Variants in MROH2B observed in about 807,000 individuals in gnomAD.
MROH2B encodes the protein maestro heat-like repeat-containing protein family member 2B.
In MROH2B, 177 loss-of-function variants were observed where a neutral mutation model predicts 208.6. The ratio of observed to expected loss-of-function variants is 0.85; its 90% CI spans 0.75 to 0.96. The LOEUF (loss-of-function observed/expected upper bound fraction) is 0.96, where lower values mean the gene tolerates loss of function less well. Among genes scored for constraint, MROH2B ranks in the 40% least tolerant of loss-of-function variants. The pLI is 0.00. For synonymous variants in MROH2B, 728 were observed against 659.0 expected, an observed-to-expected ratio of 1.10 and a Z score of -1.60; for missense variants, 2,002 against 1,878.7, an observed-to-expected ratio of 1.07 and a Z score of -1.21.
At chr5:41,010,269 T>G (rs1381498341) in intron 30 of MROH2B, among the ~76,000 whole-genome samples, 190 bp from the exon 31 acceptor site, 1 of 152,230 alleles carries the variant, frequency 6.6e-6, no homozygotes, top group African/African-American at 2.4e-5. Flanking sequence ...TGTTCCTAAT[T>G]AAATTTAGGA....
At chr5:41,062,137 A>G (rs1393450363) in intron 5 of MROH2B, among the ~76,000 whole-genome samples, 1 of 151,934 alleles carries the variant, frequency 6.6e-6, no homozygotes, top group East Asian at 1.9e-4. Context: ...TATGAGCACT[A>G]AAAGTTTGTA....
Position 40,998,300 on chromosome 5 carries a change from A to G in MROH2B, c.4652-142T>C, listed in dbSNP as rs191607707. 6 of 657,690 alleles carry G rather than the reference A, an allele frequency of 9.1e-6. No individual in the cohort carries two copies. The African/African-American group carries it at 1.1e-4, about 12-fold the overall frequency. The allele number at this position is 657,690 out of a possible 1,614,324, so 40.7% of individuals were successfully genotyped here. ...GGTCCTCATGCTCACATTTTATCCT[A>G]AAAGGTAGGATGTGGAACTACAAGA... On this transcript the variant is annotated intron_variant, in intron 41 of 41. Coordinates refer to ENST00000399564, the MANE Select transcript of MROH2B (RefSeq NM_173489.5).
intron 24 of MROH2B, among the ~76,000 whole-genome samples, chr5:41,024,670 CTG>C (rs1742285938): frequency 6.6e-6 from 1 of 152,206 alleles, no homozygotes; most frequent in Admixed American, 6.5e-5. Context: ...GAACTCAGCT[CTG>C]CACCAAGCAG....
At chr5:41,032,709 C>T (rs946624895) in intron 24 of MROH2B, 33 bp downstream of exon 24, 7 of 1,575,588 alleles carry the variant, frequency 4.4e-6, no homozygotes, top group Non-Finnish European at 6.1e-6. Flanking sequence ...GGGGAAAATA[C>T]TTTTTCAATG....
Position 41,035,938 on chromosome 5 carries a change from C to T in MROH2B, c.2215-2074G>A, listed in dbSNP as rs190541753. Among the ~76,000 whole-genome samples the T allele has an allele frequency of 3.3e-5, 5 of 152,006 alleles. No homozygotes were observed. In the East Asian group the frequency reaches 9.7e-4, roughly 29 times the overall value. ...CTGTGGAAAGCAGATGGAGATTTCT[C>T]AAAGAACTTAAAACAGAGCTACCAT... On this transcript the variant is annotated intron_variant, in intron 21 of 41. Transcript: ENST00000399564.
rs1319015306 is a variant in MROH2B at position 41,052,313 on chromosome 5, C to T, written c.1230+152G>A. On this transcript the variant is annotated intron_variant, in intron 12 of 41. Coordinates refer to ENST00000399564, the MANE Select transcript of MROH2B (RefSeq NM_173489.5). ...CAAAATCAGTTATTTAATTGAATTC[C>T]AGTTATTTTTAATTTTTTTAAAATT... Among the ~76,000 whole-genome samples the T allele has an allele frequency of 7.9e-5, 12 of 150,988 alleles. No homozygotes were observed. In the East Asian group the frequency reaches 2.3e-3, roughly 29 times the overall value.
At position 41,012,701 on chromosome 5, in the gene MROH2B, A is replaced by G. The variant is rs750779838; in HGVS notation, c.3017T>C (p.Leu1006Pro). 1.5e-5 allele frequency: 24 copies of G among 1,613,760 alleles called. 1 individual carries two copies. The Admixed American group carries it at 3.8e-4, about 26-fold the overall frequency. Residue 1006 changes from leucine (L) to proline (P), a missense_variant, in exon 30 of 42, where the codon CTG becomes CCG. Coordinates refer to ENST00000399564, the MANE Select transcript of MROH2B (RefSeq NM_173489.5). ...VSKFIPNEEI[L>P]MFLEEMLDGL... is the part of the protein sequence containing the mutation. ...GTCCAGCATTTCCTCTAGGAACATC[A>G]GAATTTCTTCATTTGGGATGAACTT...
intron 16 of MROH2B, 45 bp downstream of exon 16, chr5:41,048,264 GTGCATTATTTCTTTA>G: frequency 6.6e-7 from 1 of 1,517,812 alleles, no homozygotes; most frequent in African/African-American, 1.4e-5. Context: ...CAGAGAAACG[GTGCATTATTTCTTTA>G]TGTTCTTGCC....
rs913925360 is a variant in MROH2B at position 41,047,718 on chromosome 5, T to C, written c.1728+3A>G. The C allele has an allele frequency of 4.4e-6, 7 of 1,593,852 alleles. No individual in the cohort carries two copies. The highest frequency in any genetic ancestry group is 6.0e-6 in the Non-Finnish European group (7 of 1,169,282). ...TAAAAATTATTCTAGAAGCCAGCCT[T>C]ACCTGAAGCAGCATGGTTTCCCATA... On this transcript the variant is annotated splice_donor_region_variant and intron_variant, in intron 17 of 41. Coordinates refer to ENST00000399564, the MANE Select transcript of MROH2B (RefSeq NM_173489.5).
chr5:41,025,000 AC>A (rs1742299071), intron 24 of MROH2B, among the ~76,000 whole-genome samples: 1 of 152,236 alleles, frequency 6.6e-6, no homozygotes. Context: ...GAACAAAGAC[AC>A]AACATACCAG....
rs1743208078 is a variant in MROH2B, at chr5:41,049,132, G to T, written c.1511C>A (p.Pro504His). 6.2e-7 allele frequency: 1 copy of T among 1,600,988 alleles called. No homozygotes were observed. Residue 504 changes from proline (P) to histidine (H), a missense_variant, in exon 15 of 42, where the codon CCT (proline) becomes CAT (histidine). Transcript: ENST00000399564. ...TCTGGCCAGTAGCTGCTGTGGTGAA[G>T]GAAGTTTCACTAGAAAGAGAAAGCA... ...LVVSTGAVKLPSPQQLLARLL... is the reference protein window; with the variant it reads ...LVVSTGAVKLHSPQQLLARLL...
intron 30 of MROH2B, 106 bp downstream of exon 30, chr5:41,012,473 TGCAA>T: frequency 8.3e-7 from 1 of 1,202,192 alleles, no homozygotes; most frequent in Non-Finnish European, 1.1e-6. Flanking sequence ...CTTGAGGTTG[TGCAA>T]GCCTTTGCAT....
At chr5:41,068,628 A>T (rs1361085660) in intron 2 of MROH2B, among the ~76,000 whole-genome samples, 1 of 152,168 alleles carries the variant, frequency 6.6e-6, no homozygotes, top group Non-Finnish European at 1.5e-5. Flanking sequence ...CTCATCATAA[A>T]ATAACTAGGA....
Position 41,039,436 on chromosome 5 carries a change from G to T in MROH2B, c.2061+12C>A, listed in dbSNP as rs765824950. 195 of 1,496,016 alleles carry T rather than the reference G, an allele frequency of 1.3e-4. No homozygotes were observed. Among genetic ancestry groups the T allele is most frequent in the Non-Finnish European group, 1.7e-4 (189 of 1,089,956 alleles). The allele number at this position is 1,496,016 out of a possible 1,614,324, so 92.7% of individuals were successfully genotyped here. On this transcript the variant is annotated intron_variant, in intron 20 of 41. Transcript: ENST00000399564. ...GCAATACTGAGAATTTGAAGGAGAT[G>T]ATTCTTCTTACCTTACATCGATTCA...
chr5:41,048,290 C>G (rs371611606), intron 16 of MROH2B, 34 bp downstream of exon 16: 84 of 1,569,452 alleles, frequency 5.4e-5, no homozygotes, highest in Non-Finnish European at 6.6e-5. Flanking sequence ...TGTTCTTGCC[C>G]CCTGGGTAAA....
At chr5:41,005,451 G>T in intron 35 of MROH2B, 80 bp downstream of exon 35, 1 of 685,230 alleles carries the variant, frequency 1.5e-6, no homozygotes, top group Non-Finnish European at 2.3e-6. Context: ...CCTGGTTCCA[G>T]TGCACACTGG....
chr5:41,054,787 T>A lies in MROH2B; in HGVS notation c.1087A>T (p.Met363Leu). The change falls in exon 11 of 42, where the codon ATG becomes TTG. Residue 363 changes from methionine (M) to leucine (L), a missense_variant. Physicochemically the swap from Met to Leu is conservative, Grantham distance 15. Coordinates refer to ENST00000399564, the MANE Select transcript of MROH2B (RefSeq NM_173489.5). Reference protein sequence around the residue: ...ISIERTVKIVMGDLSTKVRNS... With the variant: ...ISIERTVKIVLGDLSTKVRNS... The stretch of plus-strand genomic sequence containing the variant: ...CTTACTTTTGTACTGAGATCACCCA[T>A]GACGATTTTGACTGTTCTTTCTATT... 6.2e-7 allele frequency: 1 copy of A among 1,611,652 alleles called. No individual in the cohort carries two copies. The highest frequency in any genetic ancestry group is 1.1e-5 in the South Asian group (1 of 90,556).
chr5:41,028,741 G>A (rs142222512), intron 24 of MROH2B, among the ~76,000 whole-genome samples: 3,656 of 152,134 alleles, frequency 0.024, 72 homozygotes, highest in Non-Finnish European at 0.034. Flanking sequence ...TTCTATATCT[G>A]TGCTATTGTT....
chr5:41,057,940 G>C (rs767001678), intron 7 of MROH2B, 123 bp downstream of exon 7: 1 of 853,132 alleles, frequency 1.2e-6, no homozygotes, highest in African/African-American at 1.7e-5. Flanking sequence ...TTCCTCAAGA[G>C]ATATTGAAAG....
Sources: gnomAD v4.1 joint callset for allele counts (sites outside exome capture counted in the v4.1 genomes callset) on GRCh38, gnomAD v4.1.1 for gene constraint, MANE v1.5 for transcripts, NCBI Gene and HGNC (gene_info 2026-07-23, HGNC 2026-07-21) for gene names.